RBPMS: variants seen among roughly 807,000 people sequenced by gnomAD.
The protein encoded by RBPMS is RNA binding protein, mRNA processing factor.
Under a neutral mutation model 26.8 loss-of-function variants are expected in RBPMS, and 7 were observed. The ratio of observed to expected loss-of-function variants is 0.26; its 90% CI spans 0.15 to 0.49. RBPMS has a LOEUF of 0.49. Ranked by LOEUF, RBPMS falls within the 20% of genes least tolerant of loss-of-function variation. RBPMS has a pLI of 0.98. For missense variants in RBPMS, 186 were observed against 250.0 expected (o/e 0.74, Z 1.73); for synonymous variants, 96 against 93.3 (o/e 1.03, Z -0.17).
At chr8:30,530,474 T>A (rs1309015384) in intron 5 of RBPMS, among the ~76,000 whole-genome samples, 1 of 152,144 alleles carries the variant, frequency 6.6e-6, no homozygotes, top group East Asian at 1.9e-4. Flanking sequence ...TTTTCTTTTC[T>A]TTTTTGAGAT....
At chr8:30,502,059 T>A (rs771430018) in intron 4 of RBPMS, among the ~76,000 whole-genome samples, 1 of 152,140 alleles carries the variant, frequency 6.6e-6, no homozygotes, top group Non-Finnish European at 1.5e-5. Flanking sequence ...GCTAAAGATG[T>A]TAGAGGAATG....
At chr8:30,474,034 A>G (rs1385972985) in intron 1 of RBPMS, among the ~76,000 whole-genome samples, 2 of 152,130 alleles carry the variant, frequency 1.3e-5, no homozygotes, top group South Asian at 2.1e-4. Context: ...CCACCATGGT[A>G]TGTGTTTACC....
intron 5 of RBPMS, among the ~76,000 whole-genome samples, chr8:30,535,954 C>T (rs1009007517): frequency 1.3e-5 from 2 of 152,138 alleles, no homozygotes; most frequent in Non-Finnish European, 2.9e-5. Flanking sequence ...TGCTGCACTC[C>T]AGCCTGGGCA....
chr8:30,459,572 A>G (rs1448671630), intron 1 of RBPMS, among the ~76,000 whole-genome samples: 1 of 152,196 alleles, frequency 6.6e-6, no homozygotes, highest in East Asian at 1.9e-4. Context: ...GCTTTTAACA[A>G]AAGCCTTTCA....
intron 4 of RBPMS, among the ~76,000 whole-genome samples, chr8:30,486,627 T>A (rs961728001): frequency 7.7e-6 from 1 of 129,172 alleles, no homozygotes; most frequent in African/African-American, 2.9e-5. Flanking sequence ...AGTGAGACTC[T>A]CTCTCAAAAA....
chr8:30,408,091 G>A (rs947797794), intron 1 of RBPMS, among the ~76,000 whole-genome samples: 2 of 152,098 alleles, frequency 1.3e-5, no homozygotes, highest in Non-Finnish European at 2.9e-5. Flanking sequence ...AAATCTAAAT[G>A]GCCTTGGGCT....
chr8:30,554,396 T>C (rs1420827573), intron 6 of RBPMS, among the ~76,000 whole-genome samples: 3 of 152,198 alleles, frequency 2.0e-5, no homozygotes, highest in Non-Finnish European at 2.9e-5. Flanking sequence ...TCAGATAAAC[T>C]TGGGCAGCAC....
chr8:30,494,462 CAATG>C (rs3837154), intron 4 of RBPMS, among the ~76,000 whole-genome samples: 35,465 of 151,982 alleles, frequency 0.23, 4,556 homozygotes, highest in East Asian at 0.41. Context: ...TTAATCTTTA[CAATG>C]AATGCTATGA....
chr8:30,549,999 T>C (rs1286776666), intron 6 of RBPMS, among the ~76,000 whole-genome samples: 4 of 151,744 alleles, frequency 2.6e-5, no homozygotes, highest in Admixed American at 2.6e-4. Flanking sequence ...TACAGGCGCC[T>C]GTCACCACGC....
chr8:30,421,918 G>A (rs960100488), intron 1 of RBPMS, among the ~76,000 whole-genome samples: 1 of 151,308 alleles, frequency 6.6e-6, no homozygotes. Context: ...TCGCAACACT[G>A]CACTCCAGCC....
intron 1 of RBPMS, among the ~76,000 whole-genome samples, chr8:30,453,089 TC>T (rs1814784238): frequency 6.6e-6 from 1 of 152,220 alleles, no homozygotes; most frequent in Admixed American, 6.5e-5. Context: ...GCTGCCTATA[TC>T]CGCATCATTT....
chr8:30,408,661 C>T (rs1315346193), intron 1 of RBPMS, among the ~76,000 whole-genome samples: 1 of 152,166 alleles, frequency 6.6e-6, no homozygotes, highest in African/African-American at 2.4e-5. Flanking sequence ...TGCAATTGCA[C>T]ACCACTGTGT....
At chr8:30,495,472 T>C (rs1458195419) in intron 4 of RBPMS, among the ~76,000 whole-genome samples, 1 of 152,182 alleles carries the variant, frequency 6.6e-6, no homozygotes, top group Non-Finnish European at 1.5e-5. Flanking sequence ...GAAAGGGGTC[T>C]CTTTCTCCAA....
chr8:30,444,461 G>A (rs193057530), intron 1 of RBPMS, among the ~76,000 whole-genome samples: 1 of 152,290 alleles, frequency 6.6e-6, no homozygotes, highest in Admixed American at 6.5e-5. Context: ...TGGATTAGAG[G>A]TTGTGGAGTC....
At chr8:30,392,814 T>C (rs1007352798) in intron 1 of RBPMS, among the ~76,000 whole-genome samples, 1 of 151,988 alleles carries the variant, frequency 6.6e-6, no homozygotes, top group African/African-American at 2.4e-5. Flanking sequence ...AAAATAGAGA[T>C]GTGGAAAGGG....
At chr8:30,426,796 G>A (rs1227370671) in intron 1 of RBPMS, among the ~76,000 whole-genome samples, 1 of 151,658 alleles carries the variant, frequency 6.6e-6, no homozygotes, top group Non-Finnish European at 1.5e-5. Flanking sequence ...TTGGGGGATC[G>A]TTGATCCCTT....
chr8:30,512,740 C>T (rs1821851881), intron 5 of RBPMS, among the ~76,000 whole-genome samples: 1 of 152,198 alleles, frequency 6.6e-6, no homozygotes, highest in East Asian at 1.9e-4. Context: ...CACCTGGCCA[C>T]TGACCATACT....
chr8:30,517,763 G>A (rs1822508421), intron 5 of RBPMS, among the ~76,000 whole-genome samples: 1 of 152,212 alleles, frequency 6.6e-6, no homozygotes, highest in African/African-American at 2.4e-5. Context: ...TTGTGCAACT[G>A]ATGAAGCCAA....
At chr8:30,476,573 T>G (rs1221080845) in intron 2 of RBPMS, among the ~76,000 whole-genome samples, 1 of 152,156 alleles carries the variant, frequency 6.6e-6, no homozygotes, top group African/African-American at 2.4e-5. Context: ...TGGGAAGATG[T>G]AAGGATGAAT....
Sources: allele counts gnomAD v4.1 joint callset (sites outside exome capture counted in the v4.1 genomes callset), GRCh38; gene constraint gnomAD v4.1.1; transcripts MANE v1.5; gene names NCBI Gene and HGNC (gene_info 2026-07-23, HGNC 2026-07-21).